Variants in DLG2 observed in about 807,000 individuals in gnomAD.
DLG2 encodes disks large homolog 2.
In DLG2, 45 loss-of-function variants were observed where a neutral mutation model predicts 132.5. That is an observed-to-expected ratio of 0.34 (90% CI 0.27 to 0.44). The LOEUF is 0.44. Ranked by LOEUF, DLG2 falls within the 20% of genes least tolerant of loss-of-function variation. The probability of loss-of-function intolerance (pLI) is 1.00; values close to 1 mark genes in which losing one functional copy is unlikely to be tolerated. For synonymous variants in DLG2, 424 were observed against 419.6 expected, an observed-to-expected ratio of 1.01 and a Z score of -0.13; for missense variants, 1,045 against 1,196.9, an observed-to-expected ratio of 0.87 and a Z score of 1.87.
At chr11:83,591,789 C>T (rs1293758543) in intron 19 of DLG2, among the ~76,000 whole-genome samples, 3 of 152,056 alleles carry the variant, frequency 2.0e-5, no homozygotes, top group Admixed American at 6.5e-5. Context: ...GCAACTTCAG[C>T]AAAGTCTCAG....
chr11:84,546,264 T>G (rs1474113278), intron 6 of DLG2, among the ~76,000 whole-genome samples: 2 of 152,134 alleles, frequency 1.3e-5, no homozygotes, highest in Non-Finnish European at 2.9e-5. Flanking sequence ...TCTGATTGTT[T>G]GGAAGTGTGA....
At chr11:83,697,675 A>AG (rs1276936610) in intron 18 of DLG2, among the ~76,000 whole-genome samples, 1 of 152,212 alleles carries the variant, frequency 6.6e-6, no homozygotes, top group African/African-American at 2.4e-5. Flanking sequence ...GGGGCATGGC[A>AG]GGGGGATTCT....
intron 6 of DLG2, among the ~76,000 whole-genome samples, chr11:85,018,091 T>A (rs1201823860): frequency 6.6e-6 from 1 of 152,180 alleles, no homozygotes; most frequent in Non-Finnish European, 1.5e-5. Context: ...TGGCACAGGA[T>A]AAGCAAATAG....
chr11:83,880,152 G>A (rs949849172), intron 15 of DLG2, among the ~76,000 whole-genome samples: 1 of 152,126 alleles, frequency 6.6e-6, no homozygotes, highest in African/African-American at 2.4e-5. Flanking sequence ...CCCTGCCAAG[G>A]TCTGGTCTTA....
At chr11:85,235,304 G>A (rs1338692388) in intron 4 of DLG2, among the ~76,000 whole-genome samples, 3 of 151,888 alleles carry the variant, frequency 2.0e-5, no homozygotes, top group Non-Finnish European at 4.4e-5. Context: ...TTGTTAAGGT[G>A]GTAGGAAATA....
intron 6 of DLG2, among the ~76,000 whole-genome samples, chr11:84,640,952 C>CAAAAA (rs34851864): frequency 1.2e-5 from 1 of 85,440 alleles, no homozygotes; most frequent in Non-Finnish European, 2.3e-5. Context: ...AACAAACAAA[C>CAAAAA]AAAAAAAAAA....
intron 6 of DLG2, among the ~76,000 whole-genome samples, chr11:84,999,328 T>TA (rs1284475259): frequency 6.6e-6 from 1 of 152,164 alleles, no homozygotes; most frequent in African/African-American, 2.4e-5. Flanking sequence ...TTTCCTCATC[T>TA]AAAAAATCAA....
intron 3 of DLG2, among the ~76,000 whole-genome samples, chr11:85,369,569 G>A (rs1224472030): frequency 6.6e-6 from 1 of 152,074 alleles, no homozygotes; most frequent in African/African-American, 2.4e-5. Context: ...GGATTTGTGG[G>A]GCTAGTCTTT....
chr11:84,176,965 G>A (rs1417759745), intron 8 of DLG2, among the ~76,000 whole-genome samples: 1 of 149,396 alleles, frequency 6.7e-6, no homozygotes, highest in Non-Finnish European at 1.5e-5. Context: ...TATCTTCTTG[G>A]AATAGGAAGA....
intron 6 of DLG2, among the ~76,000 whole-genome samples, chr11:84,746,443 T>TAA (rs35862778): frequency 1.2e-3 from 171 of 145,060 alleles, no homozygotes; most frequent in East Asian, 6.3e-3. Flanking sequence ...TAGACTTGAT[T>TAA]AAAAAAAAAA....
At chr11:84,470,119 T>C (rs2099104867) in intron 7 of DLG2, among the ~76,000 whole-genome samples, 1 of 151,826 alleles carries the variant, frequency 6.6e-6, no homozygotes, top group African/African-American at 2.4e-5. Flanking sequence ...ACAATTGTCA[T>C]ATATGTGATC....
rs529861274 is a variant in DLG2 at position 84,855,779 on chromosome 11, A to T, written c.357+255882T>A. 2.0e-5 allele frequency among the ~76,000 whole-genome samples: 3 copies of T among 152,156 alleles called. No individual in the cohort carries two copies. The South Asian group carries it at 6.2e-4, about 32-fold the overall frequency. On this transcript the variant is annotated intron_variant, in intron 6 of 27. Coordinates refer to ENST00000376104, the MANE Select transcript of DLG2 (RefSeq NM_001142699.3). ...GAATAAATTTTCCTTTCATGCATGC[A>T]CTCAAAGAAATGACAAAATTCTGAA...
chr11:84,184,447 T>C (rs1443928338), intron 8 of DLG2, among the ~76,000 whole-genome samples: 1 of 152,056 alleles, frequency 6.6e-6, no homozygotes, highest in African/African-American at 2.4e-5. Context: ...TTTGTTTGAG[T>C]TCATTGTAGA....
intron 3 of DLG2, among the ~76,000 whole-genome samples, chr11:85,395,178 A>T (rs1006577724): frequency 6.6e-6 from 1 of 152,236 alleles, no homozygotes; most frequent in African/African-American, 2.4e-5. Context: ...GTACATAAAC[A>T]TATAAATGAA....
At position 84,983,233 on chromosome 11, in the gene DLG2, G is replaced by A. The variant is rs116354679; in HGVS notation, c.357+128428C>T. 9.4e-3 allele frequency among the ~76,000 whole-genome samples: 1,435 copies of A among 152,282 alleles called. 28 individuals are homozygous for A. The highest frequency in any genetic ancestry group is 0.033 in the African/African-American group (1,371 of 41,552). The stretch of plus-strand genomic sequence containing the variant: ...ACAGGCCCTCTGAAGGAAGCGGATT[G>A]CTCCTGAAGGACCCAGGAGACGCCC... On this transcript the variant is annotated intron_variant, in intron 6 of 27. Transcript: ENST00000376104.
chr11:84,335,900 T>G (rs2098482422), intron 7 of DLG2, among the ~76,000 whole-genome samples: 2 of 152,126 alleles, frequency 1.3e-5, no homozygotes, highest in African/African-American at 4.8e-5. Flanking sequence ...GAAAATGACT[T>G]TCAGTCTATG....
At chr11:83,834,689 A>C (rs1477481639) in intron 16 of DLG2, among the ~76,000 whole-genome samples, 2 of 152,222 alleles carry the variant, frequency 1.3e-5, no homozygotes, top group African/African-American at 4.8e-5. Flanking sequence ...TACATATTTG[A>C]GGATCATCAA....
chr11:84,240,021 A>G (rs911764069), intron 8 of DLG2, among the ~76,000 whole-genome samples: 3 of 152,200 alleles, frequency 2.0e-5, no homozygotes, highest in African/African-American at 7.2e-5. Flanking sequence ...TATATGGCTC[A>G]GTCTCCCTTT....
intron 7 of DLG2, among the ~76,000 whole-genome samples, chr11:84,484,056 G>C (rs555158879): frequency 3.0e-4 from 45 of 152,284 alleles, no homozygotes; most frequent in Admixed American, 2.0e-3. Context: ...GAGGTCATTA[G>C]ACTTCAGACC....
Sources: gnomAD v4.1 joint callset for allele counts (sites outside exome capture counted in the v4.1 genomes callset) on GRCh38, gnomAD v4.1.1 for gene constraint, MANE v1.5 for transcripts, NCBI Gene and HGNC (gene_info 2026-07-23, HGNC 2026-07-21) for gene names.